The following SLC1A2 variants were observed in gnomAD, a reference collection of about 807,000 sequenced individuals.
The protein encoded by SLC1A2 is excitatory amino acid transporter 2.
In SLC1A2, 15 loss-of-function variants were observed where a neutral mutation model predicts 48.8. That is an observed-to-expected ratio of 0.31 (90% CI 0.21 to 0.47). SLC1A2 has a LOEUF of 0.47. Ranked by LOEUF, SLC1A2 falls within the 20% of genes least tolerant of loss-of-function variation. The probability of loss-of-function intolerance (pLI) is 0.99; values close to 1 mark genes in which losing one functional copy is unlikely to be tolerated. For synonymous variants in SLC1A2, 279 were observed against 272.6 expected, an observed-to-expected ratio of 1.02 and a Z score of -0.23; for missense variants, 502 against 730.5, an observed-to-expected ratio of 0.69 and a Z score of 3.61.
At chr11:35,282,080 G>C (rs1376634049) in intron 8 of SLC1A2, among the ~76,000 whole-genome samples, 1 of 92,480 alleles carries the variant, frequency 1.1e-5, no homozygotes, top group African/African-American at 4.0e-5. Context: ...GGAAGATTAA[G>C]GCCCCTGGAG....
At chr11:35,373,278 C>G (rs577099408) in intron 1 of SLC1A2, among the ~76,000 whole-genome samples, 30 of 152,338 alleles carry the variant, frequency 2.0e-4, no homozygotes, top group African/African-American at 7.2e-4. Context: ...CCTTTCAGCT[C>G]CTTTCTCCAT....
Position 35,257,132 on chromosome 11 carries a change from G to T in SLC1A2, c.*3762C>A, listed in dbSNP as rs1040544718. ...TTCCCAACCACTTTGCTCCAAAAGG[G>T]CTTCTTGACTAGATACATATGCAAA... is the stretch of plus-strand genomic sequence containing the variant. On this transcript the variant is annotated 3_prime_UTR_variant, in exon 11 of 11. Transcript: ENST00000278379. 2.8e-4 allele frequency: 42 copies of T among 152,142 alleles called. No homozygotes were observed. Among genetic ancestry groups the T allele is most frequent in the Admixed American group, 2.4e-3 (37 of 15,266 alleles). The allele number at this position is 152,142 out of a possible 1,614,324, so 9.4% of individuals were successfully genotyped here. A position where few individuals can be genotyped will look rare whatever the true frequency, so the allele number is the denominator to read the frequency against.
intron 8 of SLC1A2, chr11:35,285,513 CTACAAG>C (rs1223306032): frequency 2.6e-5 from 4 of 152,200 alleles, no homozygotes; most frequent in Admixed American, 6.5e-5. Flanking sequence ...TCTCTTTCTA[CTACAAG>C]TACATCTGTC....
chr11:35,409,646 C>T (rs946921623), intron 1 of SLC1A2, among the ~76,000 whole-genome samples: 1 of 152,090 alleles, frequency 6.6e-6, no homozygotes, highest in African/African-American at 2.4e-5. Context: ...TGGTGGTTCA[C>T]GCCTATAATC....
chr11:35,374,802 A>G (rs915618390), intron 1 of SLC1A2, among the ~76,000 whole-genome samples: 1 of 151,334 alleles, frequency 6.6e-6, no homozygotes, highest in African/African-American at 2.4e-5. Context: ...ATTTTGTCTT[A>G]TACTTAGTAG....
At chr11:35,364,343 G>A (rs932607213) in intron 1 of SLC1A2, among the ~76,000 whole-genome samples, 13 of 152,202 alleles carry the variant, frequency 8.5e-5, no homozygotes, top group Admixed American at 3.3e-4. Context: ...TGAGAAGCCA[G>A]CTCAGATACT....
chr11:35,313,452 GT>G (rs929834701), intron 3 of SLC1A2, among the ~76,000 whole-genome samples: 6 of 152,118 alleles, frequency 3.9e-5, no homozygotes, highest in African/African-American at 7.2e-5. Context: ...GCCCCACTGG[GT>G]TTTTTTCCAG....
chr11:35,355,480 A>G (rs889304012), intron 1 of SLC1A2, among the ~76,000 whole-genome samples: 2 of 152,208 alleles, frequency 1.3e-5, no homozygotes, highest in African/African-American at 4.8e-5. Flanking sequence ...AAAAGCATCC[A>G]TGGGTTGTGC....
chr11:35,394,974 G>C (rs1854906200), intron 1 of SLC1A2, among the ~76,000 whole-genome samples: 1 of 152,188 alleles, frequency 6.6e-6, no homozygotes, highest in African/African-American at 2.4e-5. Flanking sequence ...CTAAGCGTGG[G>C]TCAATGCTCA....
intron 1 of SLC1A2, among the ~76,000 whole-genome samples, chr11:35,381,847 A>G (rs1854432839): frequency 6.6e-6 from 1 of 152,198 alleles, no homozygotes; most frequent in Non-Finnish European, 1.5e-5. Context: ...GAAACACACA[A>G]CTATGATGAT....
chr11:35,405,309 A>G (rs1308367507), intron 1 of SLC1A2, among the ~76,000 whole-genome samples: 1 of 152,228 alleles, frequency 6.6e-6, no homozygotes, highest in Non-Finnish European at 1.5e-5. Flanking sequence ...CTCTATTGAG[A>G]CTGATTAAAC....
chr11:35,367,687 A>G (rs1349869741), intron 1 of SLC1A2, among the ~76,000 whole-genome samples: 2 of 152,194 alleles, frequency 1.3e-5, no homozygotes, highest in Non-Finnish European at 2.9e-5. Context: ...ATCAGCTGAA[A>G]ACTGCTCACA....
chr11:35,367,512 C>T (rs1413166404), intron 1 of SLC1A2, among the ~76,000 whole-genome samples: 2 of 151,858 alleles, frequency 1.3e-5, no homozygotes, highest in Non-Finnish European at 2.9e-5. Context: ...CCCTGCTTTA[C>T]CCATCAGCCT....
At chr11:35,352,896 G>T (rs1052205343) in intron 1 of SLC1A2, among the ~76,000 whole-genome samples, 2 of 152,196 alleles carry the variant, frequency 1.3e-5, no homozygotes, top group Non-Finnish European at 2.9e-5. Context: ...GGGGAAGCAT[G>T]TGCCTGGGCA....
rs1850919873 is a variant in SLC1A2, at chr11:35,289,274, A to C, written c.1092-2323T>G. Among the ~76,000 whole-genome samples the C allele has an allele frequency of 2.0e-5, 3 of 150,584 alleles. No homozygotes were observed. In the South Asian group the frequency reaches 6.3e-4, roughly 31 times the overall value. On this transcript the variant is annotated intron_variant, in intron 7 of 10. Transcript: ENST00000278379. ...CAAGGGCCGAGGAGGCAGGAAGGAT[A>C]TTTTGTGGGCTGTCCCTGGGTTTTA...
intron 1 of SLC1A2, among the ~76,000 whole-genome samples, chr11:35,372,211 C>A (rs1854085267): frequency 6.6e-6 from 1 of 152,240 alleles, no homozygotes; most frequent in Non-Finnish European, 1.5e-5. Context: ...CCTCTCTTGT[C>A]TCTTAGGATC....
At position 35,363,231 on chromosome 11, in the gene SLC1A2, A is replaced by G. The variant is rs147323478; in HGVS notation, c.18-45715T>C. Among the ~76,000 whole-genome samples the G allele has an allele frequency of 2.5e-3, 380 of 152,302 alleles. 1 individual carries two copies. The highest frequency in any genetic ancestry group is 8.7e-3 in the African/African-American group (360 of 41,570). On this transcript the variant is annotated intron_variant, in intron 1 of 10. Transcript: ENST00000278379. Reference sequence around the variant, plus strand: ...CCAGGAGTGGCTGCAGGTGAGGTTCAGAAAGCAAAACCATCTTTTGGGTGT... The same window carrying G: ...CCAGGAGTGGCTGCAGGTGAGGTTCGGAAAGCAAAACCATCTTTTGGGTGT...
intron 1 of SLC1A2, among the ~76,000 whole-genome samples, chr11:35,353,180 C>A (rs1330146822): frequency 4.6e-5 from 7 of 152,104 alleles, no homozygotes; most frequent in African/African-American, 7.2e-5. Flanking sequence ...CTAAGGGTGA[C>A]TTAGAATGGA....
chr11:35,339,705 G>A (rs993379576), intron 1 of SLC1A2, among the ~76,000 whole-genome samples: 5 of 152,148 alleles, frequency 3.3e-5, no homozygotes, highest in Non-Finnish European at 7.3e-5. Flanking sequence ...ATGGATATTG[G>A]ACACACAGAA....
Sources: gnomAD v4.1 joint callset for allele counts (sites outside exome capture counted in the v4.1 genomes callset) on GRCh38, gnomAD v4.1.1 for gene constraint, MANE v1.5 for transcripts, NCBI Gene and HGNC (gene_info 2026-07-23, HGNC 2026-07-21) for gene names.